Variants in ABCC4 observed in about 807,000 individuals in gnomAD.
ABCC4 encodes ATP binding cassette subfamily C member 4 (PEL blood group).
ABCC4 carries 102 observed loss-of-function variants against 168.5 expected under a neutral mutation model. The observed-to-expected ratio is 0.61, with a 90% CI of 0.52 to 0.71. The LOEUF (loss-of-function observed/expected upper bound fraction) is 0.71, where lower values mean the gene tolerates loss of function less well. ABCC4 is among the 30% of genes least tolerant of loss of function. The pLI is 0.00. For synonymous variants in ABCC4, 617 were observed against 590.7 expected (o/e 1.04, Z -0.65); for missense variants, 1,402 against 1,605.8 (o/e 0.87, Z 2.17).
intron 30 of ABCC4, among the ~76,000 whole-genome samples, chr13:95,022,672 G>A (rs1334532402): frequency 6.6e-6 from 1 of 152,170 alleles, no homozygotes; most frequent in Non-Finnish European, 1.5e-5. Flanking sequence ...GCTGACACGT[G>A]TCACCTGGGT....
intron 1 of ABCC4, among the ~76,000 whole-genome samples, chr13:95,274,160 C>G (rs2040914081): frequency 6.6e-6 from 1 of 152,230 alleles, no homozygotes; most frequent in South Asian, 2.1e-4. Flanking sequence ...TTTCACTGTT[C>G]TGCCCAAGCA....
At chr13:95,120,397 TCTA>T (rs1037820285) in intron 19 of ABCC4, among the ~76,000 whole-genome samples, 1 of 151,802 alleles carries the variant, frequency 6.6e-6, no homozygotes, top group African/African-American at 2.4e-5. Context: ...AAACCCTGTC[TCTA>T]CTAAAACTAC....
In ABCC4 at chr13:95,242,877, G is replaced by GA. The variant is rs4148453; in HGVS notation, c.306+4097dup. The stretch of plus-strand genomic sequence containing the variant: ...GCTGTTTTCACTGCTAGAAGGAAAA[G>GA]AAAAAAAAAAATCCAAGGATTACTT... On this transcript the variant is annotated intron_variant, in intron 3 of 30. Coordinates refer to ENST00000645237, the MANE Select transcript of ABCC4 (RefSeq NM_005845.5). Among the ~76,000 whole-genome samples, 25 of 149,530 alleles carry GA rather than the reference G, an allele frequency of 1.7e-4. No individual in the cohort carries two copies. The East Asian group carries it at 2.3e-3, about 14-fold the overall frequency.
chr13:95,186,569 G>T, intron 11 of ABCC4, 132 bp downstream of exon 11: 1 of 703,168 alleles, frequency 1.4e-6, no homozygotes, highest in African/African-American at 1.8e-5. Flanking sequence ...TTACTGGGAG[G>T]ACCGCCTTAA....
At chr13:95,105,402 CA>C (rs755227967) in intron 20 of ABCC4, among the ~76,000 whole-genome samples, 39 of 152,180 alleles carry the variant, frequency 2.6e-4, no homozygotes, top group Non-Finnish European at 4.9e-4. Flanking sequence ...GATTAGTCAA[CA>C]AGAGTAGTTG....
At chr13:95,056,891 G>A (rs1034190332) in intron 26 of ABCC4, among the ~76,000 whole-genome samples, 5 of 152,194 alleles carry the variant, frequency 3.3e-5, no homozygotes, top group Admixed American at 2.0e-4. Context: ...AGCTGTTGAT[G>A]TATGCCAACC....
At chr13:95,139,704 C>A (rs1387301878) in intron 19 of ABCC4, among the ~76,000 whole-genome samples, 3 of 152,176 alleles carry the variant, frequency 2.0e-5, no homozygotes, top group Admixed American at 6.5e-5. Context: ...TTCTTTGCAG[C>A]TTCAAGATAT....
chr13:95,246,897 A>G, intron 3 of ABCC4, 78 bp downstream of exon 3: 1 of 1,508,022 alleles, frequency 6.6e-7, no homozygotes, highest in Non-Finnish European at 9.0e-7. Context: ...TCCCCCATCC[A>G]TTACAGCACC....
At chr13:95,168,597 C>T (rs1349932462) in intron 14 of ABCC4, among the ~76,000 whole-genome samples, 2 of 152,114 alleles carry the variant, frequency 1.3e-5, no homozygotes, top group Admixed American at 6.5e-5. Context: ...TTGTTATTTC[C>T]ATCGTTTTAT....
At chr13:95,215,051 T>A (rs2039072873) in intron 4 of ABCC4, among the ~76,000 whole-genome samples, 1 of 152,084 alleles carries the variant, frequency 6.6e-6, no homozygotes, top group African/African-American at 2.4e-5. Context: ...CTTTTCAAGC[T>A]ATAAGGAGAT....
chr13:95,170,669 G>T, intron 13 of ABCC4, 41 bp from the exon 14 acceptor site: 1 of 1,228,072 alleles, frequency 8.1e-7, no homozygotes, highest in South Asian at 1.3e-5. Flanking sequence ...ATGCATGAAT[G>T]GGGTGCTCCA....
At chr13:95,299,563 C>A (rs377162306) in intron 1 of ABCC4, among the ~76,000 whole-genome samples, 1 of 151,626 alleles carries the variant, frequency 6.6e-6, no homozygotes, top group African/African-American at 2.4e-5. Context: ...TTTTTTTTTG[C>A]GATTTTTTTT....
intron 1 of ABCC4, among the ~76,000 whole-genome samples, chr13:95,271,148 C>T (rs2040837630): frequency 6.6e-6 from 1 of 152,150 alleles, no homozygotes; most frequent in Admixed American, 6.6e-5. Flanking sequence ...CCCAAGACGA[C>T]CCAAGAAATA....
Position 95,156,580 on chromosome 13 carries a change from T to C in ABCC4, c.2455+4609A>G, listed in dbSNP as rs915109967. Among the ~76,000 whole-genome samples the C allele has an allele frequency of 2.0e-5, 3 of 152,110 alleles. No individual in the cohort carries two copies. The South Asian group carries it at 6.2e-4, about 32-fold the overall frequency. On this transcript the variant is annotated intron_variant, in intron 19 of 30. Transcript: ENST00000645237. The stretch of plus-strand genomic sequence containing the variant: ...ACAGGGCTAAGACACACACAAAAAC[T>C]GACTAGGAAGAGGTAGATGCAGCGA...
intron 1 of ABCC4, among the ~76,000 whole-genome samples, chr13:95,298,487 A>C (rs1307819928): frequency 6.6e-6 from 1 of 152,082 alleles, no homozygotes; most frequent in African/African-American, 2.4e-5. Context: ...ATCAGTCCAG[A>C]GTGGATGCTG....
At chr13:95,289,245 G>A (rs1039431459) in intron 1 of ABCC4, among the ~76,000 whole-genome samples, 9 of 152,214 alleles carry the variant, frequency 5.9e-5, no homozygotes, top group Non-Finnish European at 1.2e-4. Context: ...GTGATTAGAA[G>A]AGCAATTTTA....
intron 19 of ABCC4, among the ~76,000 whole-genome samples, chr13:95,121,148 A>C (rs1594130198): frequency 6.6e-6 from 1 of 152,216 alleles, no homozygotes; most frequent in Non-Finnish European, 1.5e-5. Context: ...TCGGAGGCTC[A>C]GTAGCAACAG....
chr13:95,116,476 T>C (rs1158161535), intron 19 of ABCC4, among the ~76,000 whole-genome samples: 1 of 152,200 alleles, frequency 6.6e-6, no homozygotes, highest in African/African-American at 2.4e-5. Context: ...CCCAGCCTGC[T>C]TGACTGTACC....
intron 30 of ABCC4, among the ~76,000 whole-genome samples, chr13:95,028,937 G>A (rs1213932290): frequency 1.3e-5 from 2 of 151,822 alleles, no homozygotes; most frequent in East Asian, 3.9e-4. Context: ...AGGCCAAGGT[G>A]GGTGGGTTAC....
Sources: gnomAD v4.1 joint callset for allele counts (sites outside exome capture counted in the v4.1 genomes callset) on GRCh38, gnomAD v4.1.1 for gene constraint, MANE v1.5 for transcripts, NCBI Gene and HGNC (gene_info 2026-07-23, HGNC 2026-07-21) for gene names.